ARHGEF28: variants seen among roughly 807,000 people sequenced by gnomAD.
ARHGEF28 encodes 190 kDa guanine nucleotide exchange factor.
Under a neutral mutation model 206.6 loss-of-function variants are expected in ARHGEF28, and 152 were observed. The ratio of observed to expected loss-of-function variants is 0.74; its 90% CI spans 0.64 to 0.84. The LOEUF is 0.84. Ranked by LOEUF, ARHGEF28 falls within the 40% of genes least tolerant of loss-of-function variation. The pLI is 0.00. For synonymous variants in ARHGEF28, 763 were observed against 776.4 expected, an observed-to-expected ratio of 0.98 and a Z score of 0.29; for missense variants, 2,028 against 2,073.2, an observed-to-expected ratio of 0.98 and a Z score of 0.42.
intron 4 of ARHGEF28, among the ~76,000 whole-genome samples, chr5:73,756,398 T>G (rs1351467413): frequency 2.6e-5 from 4 of 152,234 alleles, no homozygotes; most frequent in African/African-American, 9.6e-5. Context: ...TTTCTAGGAA[T>G]GTTTCTAGAC....
rs796110712 is a variant in ARHGEF28, at chr5:73,787,435, C to T, written c.910+6690C>T. Among the ~76,000 whole-genome samples the T allele has an allele frequency of 1.1e-3, 162 of 152,224 alleles. 1 individual carries two copies. Among genetic ancestry groups the T allele is most frequent in the African/African-American group, 3.6e-3 (150 of 41,532 alleles). ...TAAGTTCTGGGATACATGTGCAGAA[C>T]GTGCAGGTTTGTTACATAGGTATAC... On this transcript the variant is annotated intron_variant, in intron 7 of 35. Transcript: ENST00000513042.
intron 4 of ARHGEF28, among the ~76,000 whole-genome samples, chr5:73,772,878 A>C (rs1293146182): frequency 6.6e-6 from 1 of 152,212 alleles, no homozygotes; most frequent in Non-Finnish European, 1.5e-5. Flanking sequence ...TGCCTGGGCA[A>C]GTGGCTCCTG....
In ARHGEF28 at chr5:73,699,299, G is replaced by T. The variant is rs373708752; in HGVS notation, c.33+14415G>T. ...TCTTTTGAGGTGCATGGCTAGCAAG[G>T]TTCCATGTTTCCCCAGGGACTTGTC... On this transcript the variant is annotated intron_variant, in intron 2 of 35. Coordinates refer to ENST00000513042, the MANE Select transcript of ARHGEF28 (RefSeq NM_001177693.2). 5.3e-5 allele frequency among the ~76,000 whole-genome samples: 8 copies of T among 151,896 alleles called. No homozygotes were observed. In the East Asian group the frequency reaches 5.8e-4, roughly 11 times the overall value.
chr5:73,750,296 C>G (rs1166486069), intron 3 of ARHGEF28, among the ~76,000 whole-genome samples: 1 of 152,096 alleles, frequency 6.6e-6, no homozygotes, highest in Non-Finnish European at 1.5e-5. Flanking sequence ...TATTGAGTAT[C>G]ACCTCCTAAT....
At position 73,853,934 on chromosome 5, in the gene ARHGEF28, A is replaced by G. The variant is rs950389276; in HGVS notation, c.1790+1242A>G. On this transcript the variant is annotated intron_variant, in intron 14 of 35. Coordinates refer to ENST00000513042, the MANE Select transcript of ARHGEF28 (RefSeq NM_001177693.2). Reference sequence around the variant, plus strand: ...ATTTAAGACCGAAGGAGCCAATGTTATACTTGGCTAAATAGTAGCCTATAA... The same window carrying G: ...ATTTAAGACCGAAGGAGCCAATGTTGTACTTGGCTAAATAGTAGCCTATAA... Among the ~76,000 whole-genome samples, 7 of 152,222 alleles carry G rather than the reference A, an allele frequency of 4.6e-5. No homozygotes were observed. In the East Asian group the frequency reaches 1.3e-3, roughly 29 times the overall value.
chr5:73,825,168 A>G (rs77364934), intron 9 of ARHGEF28, among the ~76,000 whole-genome samples: 2,646 of 152,354 alleles, frequency 0.017, 46 homozygotes, highest in Middle Eastern at 0.031. Context: ...GATGACATAC[A>G]ACAAGCAAAT....
chr5:73,940,022 G>C (rs532389034), intron 35 of ARHGEF28, among the ~76,000 whole-genome samples: 20 of 152,236 alleles, frequency 1.3e-4, no homozygotes, highest in African/African-American at 4.8e-4. Context: ...TTCCTACTCA[G>C]GTTTTTGTTC....
At chr5:73,883,681 G>T in intron 23 of ARHGEF28, 86 bp from the exon 24 acceptor site, 1 of 747,834 alleles carries the variant, frequency 1.3e-6, no homozygotes, top group East Asian at 3.0e-5. Context: ...AAATTGTACT[G>T]TTGCAGATTC....
At chr5:73,936,659 T>C (rs1764436275) in intron 35 of ARHGEF28, among the ~76,000 whole-genome samples, 1 of 152,222 alleles carries the variant, frequency 6.6e-6, no homozygotes, top group Non-Finnish European at 1.5e-5. Context: ...GAGATTACAT[T>C]TTACCTTGTG....
At chr5:73,833,310 A>G (rs1321648423) in intron 10 of ARHGEF28, among the ~76,000 whole-genome samples, 1 of 152,024 alleles carries the variant, frequency 6.6e-6, no homozygotes, top group Non-Finnish European at 1.5e-5. Flanking sequence ...TGTTGTTAGT[A>G]TGCATGTATT....
At chr5:73,733,301 A>G (rs986070301) in intron 2 of ARHGEF28, among the ~76,000 whole-genome samples, 3 of 152,248 alleles carry the variant, frequency 2.0e-5, no homozygotes, top group African/African-American at 4.8e-5. Context: ...GGCATTCATT[A>G]TTACATTTGA....
chr5:73,686,422 G>A (rs1747473446), intron 2 of ARHGEF28, among the ~76,000 whole-genome samples: 1 of 151,912 alleles, frequency 6.6e-6, no homozygotes, highest in African/African-American at 2.4e-5. Context: ...ATTGTGACCA[G>A]ATTTGGGGAA....
Position 73,857,690 on chromosome 5 carries a change from C to T in ARHGEF28, c.1825C>T (p.Pro609Ser), listed in dbSNP as rs1434351369. The T allele has an allele frequency of 1.9e-6, 3 of 1,599,286 alleles. No homozygotes were observed. The highest frequency in any genetic ancestry group is 1.7e-4 in the Middle Eastern group (1 of 6,040). ...QEEEWDKYII[P>S]AKSESEKYKV... ...AGAAGAATGGGATAAATACATCATA[C>T]CTGCCAAATCAGAGTCTGAAAAATA... Residue 609 changes from proline (P) to serine (S), a missense_variant, in exon 15 of 36, where the codon CCT becomes TCT. Physicochemically the swap from Pro to Ser is moderately conservative, Grantham distance 74. Transcript: ENST00000513042.
chr5:73,855,995 A>G (rs1759008053), intron 14 of ARHGEF28, among the ~76,000 whole-genome samples: 1 of 152,204 alleles, frequency 6.6e-6, no homozygotes, highest in South Asian at 2.1e-4. Context: ...TAATTCCGAT[A>G]TTAGGTCTCC....
At chr5:73,795,460 C>A in intron 9 of ARHGEF28, 69 bp downstream of exon 9, 1 of 1,341,544 alleles carries the variant, frequency 7.5e-7, no homozygotes, top group Non-Finnish European at 1.0e-6. Flanking sequence ...GGACAAGAAG[C>A]AAGTAAATTT....
rs757452890 is a variant in ARHGEF28 at position 73,749,839 on chromosome 5, G to T, written c.36G>T (p.Gly12=). The change falls in exon 3 of 36, where the codon GGG becomes GGT. Residue 12 remains glycine (G), a splice_region_variant and synonymous_variant. Transcript: ENST00000513042. The part of the protein sequence containing the change: ...ELSCSEAPLY[G]QMMIYAKFDK... ...GCCCCGACTTATTCCTTTTTCAGGG[G>T]CAGATGATGATCTATGCGAAGTTTG... The T allele has an allele frequency of 1.9e-6, 3 of 1,613,702 alleles. No homozygotes were observed. Among genetic ancestry groups the T allele is most frequent in the East Asian group, 2.2e-5 (1 of 44,882 alleles).
intron 22 of ARHGEF28, among the ~76,000 whole-genome samples, chr5:73,875,680 C>T (rs1172890781): frequency 4.0e-5 from 6 of 151,478 alleles, no homozygotes; most frequent in African/African-American, 1.5e-4. Flanking sequence ...ATAGGGAATC[C>T]TTTCCCCATT....
chr5:73,704,464 A>T (rs1315110939), intron 2 of ARHGEF28, among the ~76,000 whole-genome samples: 2 of 152,054 alleles, frequency 1.3e-5, no homozygotes, highest in Non-Finnish European at 2.9e-5. Context: ...TCACTCTGTC[A>T]CCCAGGCTGG....
chr5:73,797,454 G>T (rs893370442), intron 9 of ARHGEF28, among the ~76,000 whole-genome samples: 1 of 152,212 alleles, frequency 6.6e-6, no homozygotes, highest in Admixed American at 6.5e-5. Context: ...AGGCTGGCAT[G>T]CAGTGGCGCC....
Sources: gnomAD v4.1 joint callset for allele counts (sites outside exome capture counted in the v4.1 genomes callset) on GRCh38, gnomAD v4.1.1 for gene constraint, MANE v1.5 for transcripts, NCBI Gene and HGNC (gene_info 2026-07-23, HGNC 2026-07-21) for gene names.